Variants in TBCK observed in about 807,000 individuals in gnomAD.
TBCK encodes the protein TBC domain-containing protein kinase-like protein.
TBCK carries 99 observed loss-of-function variants against 113.4 expected under a neutral mutation model. The observed-to-expected ratio is 0.87, with a 90% CI of 0.74 to 1.03. TBCK has a LOEUF of 1.03. TBCK is among the 50% of genes least tolerant of loss of function. The pLI is 0.00. For missense variants in TBCK, 1,045 were observed against 1,061.3 expected, an observed-to-expected ratio of 0.98 and a Z score of 0.21; for synonymous variants, 369 against 370.8, an observed-to-expected ratio of 1.00 and a Z score of 0.05.
chr4:106,086,508 G>A (rs1739534396), intron 25 of TBCK, among the ~76,000 whole-genome samples: 1 of 152,182 alleles, frequency 6.6e-6, no homozygotes, highest in Admixed American at 6.5e-5. Flanking sequence ...GAAATACAAA[G>A]AGGAGCTGGT....
At chr4:106,068,994 T>G in intron 25 of TBCK, among the ~76,000 whole-genome samples, 1 of 151,898 alleles carries the variant, frequency 6.6e-6, no homozygotes, top group East Asian at 1.9e-4. Context: ...TGGGGTTGTT[T>G]GATTTTTTCT....
intron 3 of TBCK, among the ~76,000 whole-genome samples, chr4:106,267,292 T>C (rs1763078710): frequency 6.6e-6 from 1 of 151,892 alleles, no homozygotes; most frequent in African/African-American, 2.4e-5. Flanking sequence ...AATAATATAA[T>C]TGATAACTCC....
intron 22 of TBCK, among the ~76,000 whole-genome samples, chr4:106,185,004 T>C (rs542694010): frequency 1.3e-5 from 2 of 152,142 alleles, no homozygotes; most frequent in East Asian, 3.9e-4. Context: ...AATTTAGCAC[T>C]AGGTCAGTTG....
At chr4:106,282,529 A>G (rs542248961) in intron 3 of TBCK, among the ~76,000 whole-genome samples, 1 of 151,852 alleles carries the variant, frequency 6.6e-6, no homozygotes, top group East Asian at 1.9e-4. Flanking sequence ...ATTGATGTAG[A>G]TGATTATAGC....
chr4:106,071,986 T>C (rs1177848167), intron 25 of TBCK, among the ~76,000 whole-genome samples: 3 of 152,228 alleles, frequency 2.0e-5, no homozygotes, highest in Non-Finnish European at 4.4e-5. Flanking sequence ...TGAGCCTATG[T>C]GTGTCTCTGC....
intron 23 of TBCK, among the ~76,000 whole-genome samples, chr4:106,134,139 T>G (rs1746289642): frequency 6.6e-6 from 1 of 152,158 alleles, no homozygotes; most frequent in African/African-American, 2.4e-5. Context: ...GACAGTACAC[T>G]TTTTGTTTTG....
chr4:106,096,743 C>T (rs1160127893), intron 24 of TBCK, among the ~76,000 whole-genome samples: 1 of 152,148 alleles, frequency 6.6e-6, no homozygotes, highest in Non-Finnish European at 1.5e-5. Context: ...ATGAGATTCT[C>T]TCCCTTGAAA....
At chr4:106,085,882 C>T (rs1308138475) in intron 25 of TBCK, among the ~76,000 whole-genome samples, 1 of 151,556 alleles carries the variant, frequency 6.6e-6, no homozygotes. Flanking sequence ...AGGCAGAAAT[C>T]AAGTTCCTTG....
intron 24 of TBCK, among the ~76,000 whole-genome samples, chr4:106,102,871 A>G (rs1304084881): frequency 6.6e-6 from 1 of 152,192 alleles, no homozygotes; most frequent in Non-Finnish European, 1.5e-5. Flanking sequence ...TTTTGCGGCA[A>G]GAGAGAAATA....
intron 1 of TBCK, among the ~76,000 whole-genome samples, chr4:106,315,074 C>A (rs972612476): frequency 1.3e-5 from 2 of 152,048 alleles, no homozygotes; most frequent in Non-Finnish European, 2.9e-5. Flanking sequence ...TAAAAAGGCT[C>A]ACACACAAAA....
intron 23 of TBCK, among the ~76,000 whole-genome samples, chr4:106,161,160 C>T (rs1749742179): frequency 2.0e-5 from 3 of 152,094 alleles, no homozygotes; most frequent in African/African-American, 7.2e-5. Flanking sequence ...TTTAATACCA[C>T]TAACTGTACA....
Position 106,262,096 on chromosome 4 carries a change from A to C in TBCK, c.381+2T>G. The C allele has an allele frequency of 6.7e-7, 1 of 1,497,048 alleles. No homozygotes were observed. The highest frequency in any genetic ancestry group is 1.3e-5 in the South Asian group (1 of 78,774). The allele number at this position is 1,497,048 out of a possible 1,614,324, so 92.7% of individuals were successfully genotyped here. ...ATATTTATTACATGATTTAACAATT[A>C]CCTTTCGGTCCAACAGGATATTATG... On this transcript the variant is annotated splice_donor_variant, in intron 4 of 25. Transcript: ENST00000394708. LOFTEE classifies it high-confidence loss of function.
intron 3 of TBCK, among the ~76,000 whole-genome samples, chr4:106,292,530 A>G (rs1458756615): frequency 1.3e-5 from 2 of 151,438 alleles, no homozygotes; most frequent in Admixed American, 6.6e-5. Context: ...AGATCACGCC[A>G]CTGCACTCCA....
At chr4:106,154,006 T>G (rs1315070081) in intron 23 of TBCK, among the ~76,000 whole-genome samples, 1 of 152,114 alleles carries the variant, frequency 6.6e-6, no homozygotes, top group Non-Finnish European at 1.5e-5. Context: ...CTTGCTTTTT[T>G]AATCCATTCA....
intron 14 of TBCK, 133 bp from the exon 15 acceptor site, chr4:106,235,500 G>T (rs1420055107): frequency 1.6e-5 from 8 of 504,944 alleles, no homozygotes; most frequent in African/African-American, 1.4e-4. Flanking sequence ...CAATTATTGT[G>T]TCTGGTGTTA....
intron 25 of TBCK, among the ~76,000 whole-genome samples, chr4:106,051,971 T>G (rs1304433663): frequency 1.3e-5 from 2 of 151,910 alleles, no homozygotes; most frequent in Non-Finnish European, 2.9e-5. Context: ...TTTCTTCCCT[T>G]GATTATATAA....
intron 3 of TBCK, among the ~76,000 whole-genome samples, chr4:106,270,902 T>C (rs950290048): frequency 1.3e-5 from 2 of 152,192 alleles, no homozygotes; most frequent in Non-Finnish European, 2.9e-5. Flanking sequence ...TTGTCAGCAG[T>C]TGGGGTGATA....
intron 25 of TBCK, among the ~76,000 whole-genome samples, chr4:106,048,321 G>A (rs1734439197): frequency 6.6e-6 from 1 of 152,056 alleles, no homozygotes; most frequent in African/African-American, 2.4e-5. Context: ...TATCTTCTCT[G>A]TGATTCTCTG....
chr4:106,082,703 C>T (rs181850209), intron 25 of TBCK, among the ~76,000 whole-genome samples: 5 of 152,272 alleles, frequency 3.3e-5, no homozygotes, highest in East Asian at 1.9e-4. Context: ...AGCAGCATTC[C>T]GAGGCTCGCA....
Sources: allele counts gnomAD v4.1 joint callset (sites outside exome capture counted in the v4.1 genomes callset), GRCh38; gene constraint gnomAD v4.1.1; transcripts MANE v1.5; gene names NCBI Gene and HGNC (gene_info 2026-07-23, HGNC 2026-07-21).